Variants in CPSF4L observed in about 807,000 individuals in gnomAD.
The protein encoded by CPSF4L is cleavage and polyadenylation specific factor 4 like.
In CPSF4L, 18 loss-of-function variants were observed where a neutral mutation model predicts 24.0. The observed-to-expected ratio is 0.75, with a 90% confidence interval of 0.52 to 1.11. The LOEUF is 1.11. CPSF4L is among the 50% of genes least tolerant of loss of function. CPSF4L has a pLI of 0.00. For synonymous variants in CPSF4L, 72 were observed against 77.2 expected (o/e 0.93, Z 0.35); for missense variants, 211 against 221.8 (o/e 0.95, Z 0.31).
upstream of CPSF4L, chr17:73,262,192 A>G (rs2062050086): frequency 5.3e-6 from 1 of 187,982 alleles, no homozygotes; most frequent in Admixed American, 5.6e-5. Context: ...GTCCATGAAG[A>G]CACAGCCACA....
chr17:73,248,489 A>G lies in CPSF4L; in HGVS notation c.*5T>C. On this transcript the variant is annotated 3_prime_UTR_variant, in exon 6 of 6. Transcript: ENST00000344935. ...TGGAGTGCCCCGCTAGGTAAGAAGCAACGCTTAGATCTTGCTTCCAGGCAG... is the reference window on the plus strand; with the variant it reads ...TGGAGTGCCCCGCTAGGTAAGAAGCGACGCTTAGATCTTGCTTCCAGGCAG... 6.4e-7 allele frequency: 1 copy of G among 1,551,666 alleles called. No homozygotes were observed. Among genetic ancestry groups the G allele is most frequent in the Non-Finnish European group, 8.7e-7 (1 of 1,146,954 alleles).
downstream of CPSF4L, chr17:73,248,186 C>A: frequency 2.9e-6 from 1 of 339,198 alleles, no homozygotes; most frequent in African/African-American, 2.1e-5. Flanking sequence ...ATTTGCACAG[C>A]CAGTTCCAAT....
At chr17:73,260,899 C>T (rs1305447623) in intron 2 of CPSF4L, 34 bp downstream of exon 2, 1 of 1,542,876 alleles carries the variant, frequency 6.5e-7, no homozygotes, top group African/African-American at 1.4e-5. Context: ...CTACACTCAC[C>T]CAGCTTGGGG....
downstream of CPSF4L, among the ~76,000 whole-genome samples, chr17:73,246,834 T>C (rs138009128): frequency 8.0e-4 from 122 of 152,318 alleles, 1 homozygote; most frequent in African/African-American, 2.7e-3. Flanking sequence ...AAGAACTTCA[T>C]TGGAACCCAG....
downstream of CPSF4L, chr17:73,247,109 C>G (rs1310100190): frequency 8.9e-5 from 68 of 766,634 alleles, no homozygotes; most frequent in Non-Finnish European, 4.2e-6. Context: ...TCAAAATGTA[C>G]AAAAACAAGC....
the CPSF4L span, chr17:73,242,338 A>G: frequency 6.3e-7 from 1 of 1,585,920 alleles, no homozygotes; most frequent in East Asian, 2.3e-5. Context: ...GGCTCTTGGG[A>G]GCTGTACAAA....
At chr17:73,242,549 A>G in the CPSF4L span, among the ~76,000 whole-genome samples, 23 of 152,254 alleles carry the variant, frequency 1.5e-4, no homozygotes, top group South Asian at 8.3e-4. Context: ...AACAGCTACC[A>G]TTTATTCAAC....
At chr17:73,257,473 AG>A (rs1346453462) in intron 3 of CPSF4L, among the ~76,000 whole-genome samples, 1 of 151,046 alleles carries the variant, frequency 6.6e-6, no homozygotes, top group Non-Finnish European at 1.5e-5. Flanking sequence ...ACCTTGATCC[AG>A]GGGGCAGTAA....
Position 73,255,079 on chromosome 17 carries a change from T to C in CPSF4L, c.308-1053A>G, listed in dbSNP as rs566716012. The stretch of plus-strand genomic sequence containing the variant: ...TCTTTCCAACTTCATCCTCCTTAAA[T>C]GTCTACAGCTCAGTGCTTTTCAGAG... On this transcript the variant is annotated intron_variant, in intron 3 of 5. Coordinates refer to ENST00000344935, the MANE Select transcript of CPSF4L (RefSeq NM_001129885.1). Among the ~76,000 whole-genome samples the C allele has an allele frequency of 7.9e-5, 12 of 152,352 alleles. No homozygotes were observed. In the East Asian group the frequency reaches 1.5e-3, roughly 20 times the overall value.
chr17:73,255,422 G>A (rs758869939), intron 3 of CPSF4L, among the ~76,000 whole-genome samples: 10 of 151,270 alleles, frequency 6.6e-5, no homozygotes, highest in Admixed American at 1.3e-4. Context: ...TGGGAGAATC[G>A]CTTGAACCTG....
downstream of CPSF4L, chr17:73,248,016 GT>G (rs60977155): frequency 0.038 from 5,959 of 157,086 alleles, 307 homozygotes; most frequent in African/African-American, 0.12. Context: ...TAAGAGCGTT[GT>G]TGAGGTAAAC....
Position 73,250,191 on chromosome 17 carries a change from A to G in CPSF4L, c.498-1655T>C, listed in dbSNP as rs2061999141. On this transcript the variant is annotated intron_variant, in intron 5 of 5. Coordinates refer to ENST00000344935, the MANE Select transcript of CPSF4L (RefSeq NM_001129885.1). Reference sequence around the variant, plus strand: ...AGGCTTACTGTGGAACTTGGGAAACAGAATCCCATAGTAAGACCATTGAGC... The same window carrying G: ...AGGCTTACTGTGGAACTTGGGAAACGGAATCCCATAGTAAGACCATTGAGC... The G allele has an allele frequency of 3.3e-6, 5 of 1,517,992 alleles. No homozygotes were observed. The Admixed American group carries it at 8.3e-5, about 25-fold the overall frequency. 94.0% of individuals were successfully genotyped at this position (1,517,992 alleles called of 1,614,324 possible).
At chr17:73,242,426 A>T in the CPSF4L span, 1 of 998,798 alleles carries the variant, frequency 1.0e-6, no homozygotes. Context: ...CGGGCTGTTA[A>T]GCAAGGCTAA....
chr17:73,257,549 C>CA lies in CPSF4L; in HGVS notation c.307+131dup, dbSNP rs371723196. The CA allele has an allele frequency of 9.8e-5, 87 of 887,010 alleles. No individual in the cohort carries two copies. The African/African-American group carries it at 1.3e-3, about 13-fold the overall frequency. 54.9% of individuals were successfully genotyped at this position (887,010 alleles called of 1,614,324 possible). A position where few individuals can be genotyped will look rare whatever the true frequency, so the allele number is the denominator to read the frequency against. On this transcript the variant is annotated intron_variant, in intron 3 of 5. Coordinates refer to ENST00000344935, the MANE Select transcript of CPSF4L (RefSeq NM_001129885.1). ...GTTTGGAGAACAGACACCTGAGACT[C>CA]AGACAGGTCTCTCTGGCCTCCAGGG... is the stretch of plus-strand genomic sequence containing the variant.
At chr17:73,250,010 A>G (rs1010762988) in intron 5 of CPSF4L, 2 of 421,278 alleles carry the variant, frequency 4.7e-6, no homozygotes, top group African/African-American at 4.1e-5. Flanking sequence ...TTTTATGTAC[A>G]TTTTGCTCCC....
intron 3 of CPSF4L, among the ~76,000 whole-genome samples, chr17:73,254,397 TTCA>T (rs1052739961): frequency 1.3e-5 from 2 of 152,184 alleles, no homozygotes; most frequent in Non-Finnish European, 2.9e-5. Context: ...CAGCCCCCTC[TTCA>T]TCTCTACTAC....
chr17:73,242,463 G>A, the CPSF4L span: 198 of 672,442 alleles, frequency 2.9e-4, no homozygotes, highest in African/African-American at 3.0e-3. Context: ...ATGTTAAAAT[G>A]TGTGTTGTCT....
chr17:73,252,837 G>A (rs192640053), intron 4 of CPSF4L, 114 bp from the exon 5 acceptor site: 1 of 638,546 alleles, frequency 1.6e-6, no homozygotes, highest in Non-Finnish European at 2.7e-6. Flanking sequence ...CACTTAATAG[G>A]GGTGGATAAA....
chr17:73,258,289 C>G (rs967346398), intron 2 of CPSF4L, among the ~76,000 whole-genome samples: 9 of 151,894 alleles, frequency 5.9e-5, no homozygotes, highest in African/African-American at 2.2e-4. Context: ...GGATTACAGG[C>G]GTGAGCCACC....
Sources: allele counts gnomAD v4.1 joint callset (sites outside exome capture counted in the v4.1 genomes callset), GRCh38; gene constraint gnomAD v4.1.1; transcripts MANE v1.5; gene names NCBI Gene and HGNC (gene_info 2026-07-23, HGNC 2026-07-21).